Variants in CCDC186 observed in about 807,000 individuals in gnomAD.
CCDC186 encodes the protein coiled-coil domain containing 186, also known as coiled-coil domain-containing protein 186.
A neutral mutation model predicts 113.7 loss-of-function variants in CCDC186; 49 were observed. The ratio of observed to expected loss-of-function variants is 0.43; its 90% CI spans 0.34 to 0.55. CCDC186 has a LOEUF of 0.55. Among genes scored for constraint, CCDC186 ranks in the 20% least tolerant of loss-of-function variants. The probability of loss-of-function intolerance (pLI) is 0.02; values close to 1 mark genes in which losing one functional copy is unlikely to be tolerated. For missense variants in CCDC186, 890 were observed against 1,011.1 expected (o/e 0.88, Z 1.62); for synonymous variants, 355 against 345.8 (o/e 1.03, Z -0.30).
In CCDC186 at chr10:114,126,052, G is replaced by C; in HGVS notation, c.2447C>G (p.Ala816Gly). The C allele has an allele frequency of 6.2e-7, 1 of 1,613,964 alleles. No individual in the cohort carries two copies. Among genetic ancestry groups the C allele is most frequent in the Non-Finnish European group, 8.5e-7 (1 of 1,179,948 alleles). Reference sequence around the variant, plus strand: ...TAAATGAACTTTGTTAAAATCAGATGCCTCTGAAGAAAGTGTGCCTGATTC... The same window carrying C: ...TAAATGAACTTTGTTAAAATCAGATCCCTCTGAAGAAAGTGTGCCTGATTC... ...REESGTLSSE[A>G]SDFNKVHLSR... Residue 816 changes from alanine (A) to glycine (G), a missense_variant, in exon 15 of 16, where the codon GCA becomes GGA. Coordinates refer to ENST00000369287, the MANE Select transcript of CCDC186 (RefSeq NM_018017.4).
intron 6 of CCDC186, among the ~76,000 whole-genome samples, chr10:114,141,591 C>T (rs891721993): frequency 3.3e-5 from 5 of 151,828 alleles, no homozygotes; most frequent in African/African-American, 1.2e-4. Flanking sequence ...GGATTGTTGC[C>T]CCTATTTCTT....
At chr10:114,153,891 G>GA (rs1449294880) in intron 3 of CCDC186, among the ~76,000 whole-genome samples, 1 of 148,822 alleles carries the variant, frequency 6.7e-6, no homozygotes, top group East Asian at 2.0e-4. Flanking sequence ...AGAGGAGGAA[G>GA]AAAAAAATAA....
rs1232009677 is a variant in CCDC186, at chr10:114,132,203, A to G, written c.1656-19T>C. 6.7e-7 allele frequency: 1 copy of G among 1,482,382 alleles called. No individual in the cohort carries two copies. 91.8% of individuals were successfully genotyped at this position (1,482,382 alleles called of 1,614,324 possible). A position where few individuals can be genotyped will look rare whatever the true frequency, so the allele number is the denominator to read the frequency against. On this transcript the variant is annotated intron_variant, in intron 10 of 15. Coordinates refer to ENST00000369287, the MANE Select transcript of CCDC186 (RefSeq NM_018017.4). ...CTTACCTCTAAAACACAAAATTTATATTTAAGAAAAAATAAACCATTAAAA... is the reference window on the plus strand; with the variant it reads ...CTTACCTCTAAAACACAAAATTTATGTTTAAGAAAAAATAAACCATTAAAA...
chr10:114,147,545 T>C (rs918116691), intron 4 of CCDC186, among the ~76,000 whole-genome samples: 1 of 152,172 alleles, frequency 6.6e-6, no homozygotes, highest in African/African-American at 2.4e-5. Context: ...AGTTATTTTA[T>C]TGGGCTTAAA....
chr10:114,166,597 T>C (rs974405897), intron 1 of CCDC186, among the ~76,000 whole-genome samples: 2 of 152,236 alleles, frequency 1.3e-5, no homozygotes, highest in Admixed American at 6.5e-5. Flanking sequence ...TTAAGTCTCA[T>C]GCAATATGAC....
At chr10:114,145,894 C>A in intron 4 of CCDC186, 133 bp from the exon 5 acceptor site, 3 of 780,910 alleles carry the variant, frequency 3.8e-6, no homozygotes, top group Non-Finnish European at 5.7e-6. Flanking sequence ...AGGACTTGTG[C>A]CATGAAATTT....
intron 6 of CCDC186, among the ~76,000 whole-genome samples, chr10:114,140,165 G>C (rs115368275): frequency 1.3e-5 from 2 of 152,338 alleles, no homozygotes; most frequent in African/African-American, 4.8e-5. Flanking sequence ...AAACATACTA[G>C]TAGCAAGTGC....
intron 6 of CCDC186, 126 bp downstream of exon 6, chr10:114,144,371 T>C: frequency 8.6e-7 from 1 of 1,162,612 alleles, no homozygotes; most frequent in African/African-American, 1.6e-5. Context: ...TAACTGTTAT[T>C]GCATTTGCTC....
At chr10:114,158,997 G>T (rs1204610771) in intron 2 of CCDC186, among the ~76,000 whole-genome samples, 1 of 152,194 alleles carries the variant, frequency 6.6e-6, no homozygotes. Context: ...GTCAGCTGGT[G>T]ATTAAATCCT....
intron 12 of CCDC186, chr10:114,130,609 T>A (rs2031056697): frequency 6.6e-6 from 1 of 152,172 alleles, no homozygotes; most frequent in South Asian, 2.1e-4. Flanking sequence ...AAGAGTTAAG[T>A]CGCAACGATT....
At chr10:114,126,643 C>A (rs2030912785) in intron 14 of CCDC186, among the ~76,000 whole-genome samples, 1 of 152,170 alleles carries the variant, frequency 6.6e-6, no homozygotes, top group East Asian at 1.9e-4. Context: ...GTGTGAGACA[C>A]CATACCTAGC....
chr10:114,124,668 C>T lies in CCDC186; in HGVS notation c.*475G>A, dbSNP rs2030832104. On this transcript the variant is annotated 3_prime_UTR_variant, in exon 16 of 16. Coordinates refer to ENST00000369287, the MANE Select transcript of CCDC186 (RefSeq NM_018017.4). ...TATTCATACACATCCCTAAAACTCA[C>T]CCGATATGCTGGAGTGTAAAAATAA... The T allele has an allele frequency of 1.3e-5, 2 of 152,292 alleles. 1 individual carries two copies. Among genetic ancestry groups the T allele is most frequent in the Non-Finnish European group, 2.9e-5 (2 of 68,148 alleles). 9.4% of individuals were successfully genotyped at this position (152,292 alleles called of 1,614,324 possible). A position where few individuals can be genotyped will look rare whatever the true frequency, so the allele number is the denominator to read the frequency against.
intron 4 of CCDC186, among the ~76,000 whole-genome samples, chr10:114,146,046 T>A (rs2031630247): frequency 6.6e-6 from 1 of 152,212 alleles, no homozygotes. Flanking sequence ...TTCCCACTTT[T>A]TTTAAATCCC....
At chr10:114,169,227 T>C (rs544266495) in intron 1 of CCDC186, among the ~76,000 whole-genome samples, 1 of 149,502 alleles carries the variant, frequency 6.7e-6, no homozygotes, top group East Asian at 2.0e-4. Context: ...TAAACTGTAG[T>C]ACCATTCTTT....
At chr10:114,138,081 AAT>A (rs1341589912) in intron 6 of CCDC186, among the ~76,000 whole-genome samples, 3 of 61,420 alleles carry the variant, frequency 4.9e-5, no homozygotes, top group Non-Finnish European at 9.8e-5. Flanking sequence ...AAATAAAAAA[AAT>A]ACACAAATTA....
At chr10:114,145,897 T>C in intron 4 of CCDC186, 136 bp from the exon 5 acceptor site, 2 of 775,772 alleles carry the variant, frequency 2.6e-6, no homozygotes, top group Non-Finnish European at 3.8e-6. Context: ...ACTTGTGCCA[T>C]GAAATTTTAA....
chr10:114,122,210 G>A lies in CCDC186; in HGVS notation c.*2933C>T, dbSNP rs2030746954. On this transcript the variant is annotated 3_prime_UTR_variant, in exon 16 of 16. Transcript: ENST00000369287. ...TACCCTGTATGGTGCCAATACAATA[G>A]TATAGGTTTTCAATAAATGTGTTTA... The A allele has an allele frequency of 6.6e-6, 1 of 152,110 alleles. No individual in the cohort carries two copies. The highest frequency in any genetic ancestry group is 1.5e-5 in the Non-Finnish European group (1 of 68,006). The allele number at this position is 152,110 out of a possible 1,614,324, so 9.4% of individuals were successfully genotyped here.
At chr10:114,169,637 G>A (rs571988163) in intron 1 of CCDC186, among the ~76,000 whole-genome samples, 107 of 152,184 alleles carry the variant, frequency 7.0e-4, no homozygotes, top group African/African-American at 2.4e-3. Flanking sequence ...CAATATAATG[G>A]TTTATTGTCC....
chr10:114,160,277 A>T (rs1214960630), intron 2 of CCDC186, among the ~76,000 whole-genome samples: 1 of 152,094 alleles, frequency 6.6e-6, no homozygotes, highest in Non-Finnish European at 1.5e-5. Context: ...CTCAAAAAAA[A>T]AAAAAAAATT....
Sources: gnomAD v4.1 joint callset for allele counts (sites outside exome capture counted in the v4.1 genomes callset) on GRCh38, gnomAD v4.1.1 for gene constraint, MANE v1.5 for transcripts, NCBI Gene and HGNC (gene_info 2026-07-23, HGNC 2026-07-21) for gene names.